The following AP3M2 variants were observed in gnomAD, a reference collection of about 807,000 sequenced individuals.
AP3M2 encodes the protein AP-3 complex subunit mu-2.
Under a neutral mutation model 41.6 loss-of-function variants are expected in AP3M2, and 28 were observed. The ratio of observed to expected loss-of-function variants is 0.67; its 90% CI spans 0.50 to 0.92. AP3M2 has a LOEUF of 0.92. Ranked by LOEUF, AP3M2 falls within the 40% of genes least tolerant of loss-of-function variation. AP3M2 has a pLI of 0.00. For synonymous variants in AP3M2, 193 were observed against 186.4 expected, an observed-to-expected ratio of 1.04 and a Z score of -0.29; for missense variants, 427 against 521.4, an observed-to-expected ratio of 0.82 and a Z score of 1.76.
rs200219961 is a variant in AP3M2, at chr8:42,165,592, C to T, written c.803+32C>T. 7.0e-5 allele frequency: 113 copies of T among 1,611,936 alleles called. 1 individual carries two copies. Among genetic ancestry groups the T allele is most frequent in the Admixed American group, 5.3e-4 (32 of 59,816 alleles). ...AGCTCTTATAATTAAGAATGGAATC[C>T]GTGTATGTACATGTATGTGGAAACC... is the stretch of plus-strand genomic sequence containing the variant. On this transcript the variant is annotated intron_variant, in intron 6 of 8. Coordinates refer to ENST00000396926, the MANE Select transcript of AP3M2 (RefSeq NM_006803.4).
intron 3 of AP3M2, among the ~76,000 whole-genome samples, chr8:42,160,173 G>T (rs1804472474): frequency 6.6e-6 from 1 of 152,160 alleles, no homozygotes; most frequent in Admixed American, 6.5e-5. Context: ...TGCGCAACTG[G>T]TATAATCCAG....
rs112284226 is a variant in AP3M2, at chr8:42,167,109, G to T, written c.804-55G>T. 7.4e-4 allele frequency: 1,123 copies of T among 1,512,940 alleles called. 13 individuals are homozygous for T. In the African/African-American group the frequency reaches 0.014, roughly 19 times the overall value. 93.7% of individuals were successfully genotyped at this position (1,512,940 alleles called of 1,614,324 possible). The stretch of plus-strand genomic sequence containing the variant: ...CAGAAAAAGCATCATGTGAAAGGAA[G>T]AACTACCATTTTCCCAGTGCACGAA... On this transcript the variant is annotated intron_variant, in intron 6 of 8. Coordinates refer to ENST00000396926, the MANE Select transcript of AP3M2 (RefSeq NM_006803.4).
chr8:42,161,788 G>A (rs1004948425), intron 3 of AP3M2, among the ~76,000 whole-genome samples: 8 of 152,154 alleles, frequency 5.3e-5, no homozygotes, highest in Non-Finnish European at 7.4e-5. Flanking sequence ...GACAGGGAGA[G>A]ATCAACTTTG....
rs1224191013 is a variant in AP3M2, at chr8:42,170,896, G to A, written c.*1835G>A. 1 of 152,186 alleles carries A rather than the reference G, an allele frequency of 6.6e-6. No homozygotes were observed. Among genetic ancestry groups the A allele is most frequent in the Non-Finnish European group, 1.5e-5 (1 of 68,034 alleles). The allele number at this position is 152,186 out of a possible 1,614,324, so 9.4% of individuals were successfully genotyped here. ...CCTGAATATTTCTAGGTTTGTAAGT[G>A]CAGCAGTTTTATTTCCTCTAGAACT... On this transcript the variant is annotated 3_prime_UTR_variant, in exon 9 of 9. Coordinates refer to ENST00000396926, the MANE Select transcript of AP3M2 (RefSeq NM_006803.4).
rs765656055 is a variant in AP3M2, at chr8:42,157,930, G to A, written c.274-11G>A. The A allele has an allele frequency of 1.0e-5, 16 of 1,607,902 alleles. No homozygotes were observed. Among genetic ancestry groups the A allele is most frequent in the Non-Finnish European group, 1.3e-5 (15 of 1,175,066 alleles). Reference sequence around the variant, plus strand: ...TCTGAGTGATCAATGTGTATATTCTGTCTCCATCAGGATTATTTTGGAGTC... The same window carrying A: ...TCTGAGTGATCAATGTGTATATTCTATCTCCATCAGGATTATTTTGGAGTC... On this transcript the variant is annotated splice_polypyrimidine_tract_variant and intron_variant, in intron 2 of 8. Transcript: ENST00000396926.
intron 3 of AP3M2, among the ~76,000 whole-genome samples, 159 bp downstream of exon 3, chr8:42,158,271 CAG>C (rs1190973263): frequency 1.4e-5 from 2 of 142,908 alleles, no homozygotes; most frequent in Non-Finnish European, 3.0e-5. Flanking sequence ...TTTTTTGAGA[CAG>C]AGTCTCCCTC....
At chr8:42,155,005 CTT>C in intron 2 of AP3M2, 45 bp downstream of exon 2, 3 of 1,492,768 alleles carry the variant, frequency 2.0e-6, no homozygotes, top group Non-Finnish European at 2.8e-6. Flanking sequence ...CGTAAAGTGT[CTT>C]TGTAGTCCTG....
intron 1 of AP3M2, chr8:42,154,246 C>A: frequency 5.7e-6 from 1 of 174,562 alleles, no homozygotes; most frequent in South Asian, 1.2e-4. Context: ...AACATGACAT[C>A]AAATTCAGTG....
At position 42,170,313 on chromosome 8, in the gene AP3M2, T is replaced by C. The variant is rs182777646; in HGVS notation, c.*1252T>C. ...CCTTTTCATTCTAAGACAAAACATT[T>C]CTCCTAAATCTCTGAATAAAATCAG... On this transcript the variant is annotated 3_prime_UTR_variant, in exon 9 of 9. Coordinates refer to ENST00000396926, the MANE Select transcript of AP3M2 (RefSeq NM_006803.4). 2 of 152,310 alleles carry C rather than the reference T, an allele frequency of 1.3e-5. No individual in the cohort carries two copies. Among genetic ancestry groups the C allele is most frequent in the Non-Finnish European group, 2.9e-5 (2 of 68,028 alleles). 9.4% of individuals were successfully genotyped at this position (152,310 alleles called of 1,614,324 possible).
chr8:42,154,654 A>T lies in AP3M2; in HGVS notation c.-34A>T. On this transcript the variant is annotated 5_prime_UTR_variant, in exon 2 of 9. Coordinates refer to ENST00000396926, the MANE Select transcript of AP3M2 (RefSeq NM_006803.4). The stretch of plus-strand genomic sequence containing the variant: ...CAGAGTCCTGAGGCTTTCAGACTGA[A>T]AAAGGCTTTCTTCTGTCACTGACAA... 6.2e-7 allele frequency: 1 copy of T among 1,607,656 alleles called. No individual in the cohort carries two copies.
chr8:42,165,853 G>A (rs1188685651), intron 6 of AP3M2: 1 of 276,624 alleles, frequency 3.6e-6, no homozygotes, highest in African/African-American at 2.2e-5. Context: ...GTTGTTATGT[G>A]TCTAAACAAG....
At chr8:42,162,971 A>G (rs1337856555) in intron 4 of AP3M2, among the ~76,000 whole-genome samples, 1 of 146,938 alleles carries the variant, frequency 6.8e-6, no homozygotes, top group Non-Finnish European at 1.5e-5. Flanking sequence ...AAAAAAAAAA[A>G]GTAACAAATT....
At position 42,167,080 on chromosome 8, in the gene AP3M2, A is replaced by G; in HGVS notation, c.804-84A>G. ...AGTTAAGGGAGAAGAAGCTACCCAC[A>G]GGGCAGAAAAAGCATCATGTGAAAG... On this transcript the variant is annotated intron_variant, in intron 6 of 8. Coordinates refer to ENST00000396926, the MANE Select transcript of AP3M2 (RefSeq NM_006803.4). 5 of 1,225,620 alleles carry G rather than the reference A, an allele frequency of 4.1e-6. No homozygotes were observed. The South Asian group carries it at 5.0e-5, about 12-fold the overall frequency. 75.9% of individuals were successfully genotyped at this position (1,225,620 alleles called of 1,614,324 possible).
rs370609185 is a variant in AP3M2 at position 42,167,241 on chromosome 8, C to T, written c.881C>T (p.Thr294Met). Residue 294 changes from threonine (T) to methionine (M), a missense_variant, in exon 7 of 9, where the codon ACG becomes ATG. By Grantham distance (81) the Thr-to-Met change is moderately conservative. This residue lies in a region of AP3M2 where 237 missense variants were observed against 284.9 expected (regional missense o/e 0.83). Coordinates refer to ENST00000396926, the MANE Select transcript of AP3M2 (RefSeq NM_006803.4). ...DSSSLGRFEI[T>M]VGPKQTMGKT... ...AGTTCCCTTGGACGCTTTGAAATAACGGTGGGACCCAAGCAGACGATGGGG... is the reference window on the plus strand; with the variant it reads ...AGTTCCCTTGGACGCTTTGAAATAATGGTGGGACCCAAGCAGACGATGGGG... 104 of 1,613,952 alleles carry T rather than the reference C, an allele frequency of 6.4e-5. No homozygotes were observed. Among genetic ancestry groups the T allele is most frequent in the Non-Finnish European group, 7.8e-5 (92 of 1,180,018 alleles).
At chr8:42,155,823 G>A (rs1804338308) in intron 2 of AP3M2, 1 of 331,868 alleles carries the variant, frequency 3.0e-6, no homozygotes, top group Non-Finnish European at 6.0e-6. Context: ...TTGTGGAATT[G>A]GAGAAGAGAA....
rs1404827600 is a variant in AP3M2 at position 42,154,832 on chromosome 8, A to G, written c.145A>G (p.Ile49Val). ...TGAGGCAGAAAATGTGCCTCCGGTT[A>G]TCCCTACCCCTCACCACTATCTCTT... ...ATEAENVPPV[I>V]PTPHHYLLSV... Residue 49 changes from isoleucine to valine, a missense_variant, in exon 2 of 9, where the codon ATC becomes GTC. By Grantham distance (29) the Ile-to-Val change is conservative (BLOSUM62 3). This residue lies in a region of AP3M2 where 104 missense variants were observed against 93.8 expected (regional missense o/e 1.11). Transcript: ENST00000396926. 3 of 1,614,014 alleles carry G rather than the reference A, an allele frequency of 1.9e-6. No individual in the cohort carries two copies. The African/African-American group carries it at 4.0e-5, about 22-fold the overall frequency.
chr8:42,158,680 G>GAC (rs1434854023), intron 3 of AP3M2, among the ~76,000 whole-genome samples: 6 of 152,052 alleles, frequency 3.9e-5, no homozygotes, highest in Non-Finnish European at 1.5e-5. Flanking sequence ...GATTATTGTA[G>GAC]AAACTTCAGA....
At position 42,154,964 on chromosome 8, in the gene AP3M2, C is replaced by T. The variant is rs767985746; in HGVS notation, c.273+4C>T. ...CCGAGTGGTGGACACATTTCAGGTTCGTGAATGTGGGAAAGTTCATATATG... is the reference window on the plus strand; with the variant it reads ...CCGAGTGGTGGACACATTTCAGGTTTGTGAATGTGGGAAAGTTCATATATG... On this transcript the variant is annotated splice_donor_region_variant and intron_variant, in intron 2 of 8. Transcript: ENST00000396926. 2.5e-6 allele frequency: 4 copies of T among 1,610,912 alleles called. No homozygotes were observed. Among genetic ancestry groups the T allele is most frequent in the East Asian group, 2.2e-5 (1 of 44,806 alleles).
At chr8:42,155,966 C>A (rs1371621030) in intron 2 of AP3M2, 3 of 455,702 alleles carry the variant, frequency 6.6e-6, no homozygotes, top group Non-Finnish European at 1.3e-5. Context: ...TTTTTCCCTG[C>A]AATACTCTGT....
Sources: gnomAD v4.1 joint callset for allele counts (sites outside exome capture counted in the v4.1 genomes callset) on GRCh38, gnomAD v4.1.1 for gene constraint, gnomAD v4.1.1 regional missense constraint, MANE v1.5 for transcripts, NCBI Gene and HGNC (gene_info 2026-07-23, HGNC 2026-07-21) for gene names.